The following RNF150 variants were observed in gnomAD, a reference collection of about 807,000 sequenced individuals.
RNF150 encodes ring finger protein 150.
A neutral mutation model predicts 39.3 loss-of-function variants in RNF150; 24 were observed. That is an observed-to-expected ratio of 0.61 (90% CI 0.44 to 0.86). The LOEUF is 0.86. RNF150 is among the 40% of genes least tolerant of loss of function. RNF150 has a pLI of 0.00. For synonymous variants in RNF150, 255 were observed against 227.3 expected (o/e 1.12, Z -1.10); for missense variants, 502 against 587.8 (o/e 0.85, Z 1.51).
intron 1 of RNF150, among the ~76,000 whole-genome samples, chr4:141,033,918 C>T (rs1231204816): frequency 6.6e-6 from 1 of 152,124 alleles, no homozygotes; most frequent in East Asian, 1.9e-4. Context: ...AGAAATGTAA[C>T]ATAATTCGTA....
chr4:141,138,301 G>C (rs1040321435), upstream of RNF150, among the ~76,000 whole-genome samples: 1 of 151,924 alleles, frequency 6.6e-6, no homozygotes, highest in East Asian at 1.9e-4. Flanking sequence ...TTGATTGGTG[G>C]ATTGCATTTT....
intron 1 of RNF150, among the ~76,000 whole-genome samples, chr4:141,202,940 C>T (rs1432889564): frequency 1.3e-5 from 2 of 151,480 alleles, no homozygotes; most frequent in East Asian, 3.9e-4. Flanking sequence ...ATTTGGCACA[C>T]ATTTCAAAAT....
intron 1 of RNF150, among the ~76,000 whole-genome samples, chr4:141,040,302 T>C (rs945797667): frequency 6.6e-6 from 1 of 152,080 alleles, no homozygotes. Flanking sequence ...TTTCTAACAC[T>C]GCAATCATGA....
intron 1 of RNF150, among the ~76,000 whole-genome samples, chr4:141,086,133 G>A (rs952286844): frequency 6.6e-6 from 1 of 151,852 alleles, no homozygotes; most frequent in Non-Finnish European, 1.5e-5. Context: ...AGGGGTGGGA[G>A]AAGAAACCTA....
At chr4:140,974,747 G>T (rs948894336) in intron 1 of RNF150, among the ~76,000 whole-genome samples, 2 of 152,132 alleles carry the variant, frequency 1.3e-5, no homozygotes, top group Non-Finnish European at 2.9e-5. Context: ...TTCATTCATT[G>T]TGAGTGACTT....
At chr4:140,901,023 C>T (rs901794587) in intron 6 of RNF150, among the ~76,000 whole-genome samples, 4 of 152,266 alleles carry the variant, frequency 2.6e-5, no homozygotes, top group East Asian at 1.9e-4. Context: ...CTCAAACCTA[C>T]ATTATCTCAC....
rs1726903162 is a variant in RNF150 at position 141,132,046 on chromosome 4, G to C, written c.484+279C>G. On this transcript the variant is annotated intron_variant, in intron 1 of 6. Coordinates refer to ENST00000515673, the MANE Select transcript of RNF150 (RefSeq NM_020724.2). This position sits in a 1 kb window ranked among gnomAD's most constrained non-coding sequence, Gnocchi z 4.9. The stretch of plus-strand genomic sequence containing the variant: ...CCTACCCTCCAAACCCCACCTTCCA[G>C]GTCCCCCTCGGAAAAGTTAGCCCGC... 6.6e-6 allele frequency among the ~76,000 whole-genome samples: 1 copy of C among 152,078 alleles called. No individual in the cohort carries two copies. Among genetic ancestry groups the C allele is most frequent in the Admixed American group, 6.5e-5 (1 of 15,272 alleles).
chr4:140,962,600 T>G (rs1733085846), intron 2 of RNF150, among the ~76,000 whole-genome samples: 1 of 151,942 alleles, frequency 6.6e-6, no homozygotes, highest in African/African-American at 2.4e-5. Flanking sequence ...ATTCTATCCA[T>G]TTAAATTCCA....
rs1400120999 is a variant in RNF150, at chr4:140,868,198, T to C, written c.*63A>G. 9 of 956,918 alleles carry C rather than the reference T, an allele frequency of 9.4e-6. No homozygotes were observed. In the East Asian group the frequency reaches 2.2e-4, roughly 23 times the overall value. 59.3% of individuals were successfully genotyped at this position (956,918 alleles called of 1,614,324 possible). A position where few individuals can be genotyped will look rare whatever the true frequency, so the allele number is the denominator to read the frequency against. On this transcript the variant is annotated 3_prime_UTR_variant, in exon 7 of 7. Coordinates refer to ENST00000515673, the MANE Select transcript of RNF150 (RefSeq NM_020724.2). Reference sequence around the variant, plus strand: ...GTGTGTGTGTGCCTGGTCCAAGTCTTGGAGCACTCTTCCCTTCCTTTCCCT... The same window carrying C: ...GTGTGTGTGTGCCTGGTCCAAGTCTCGGAGCACTCTTCCCTTCCTTTCCCT...
chr4:141,142,418 C>A (rs964557767), intron 1 of RNF150, among the ~76,000 whole-genome samples: 1 of 152,216 alleles, frequency 6.6e-6, no homozygotes. Flanking sequence ...CTGGAATAGT[C>A]CTGTCGGCAC....
At chr4:141,183,118 T>C (rs143660842) in intron 1 of RNF150, among the ~76,000 whole-genome samples, 45 of 152,280 alleles carry the variant, frequency 3.0e-4, no homozygotes, top group African/African-American at 9.6e-4. Context: ...TTTCCACATA[T>C]AATTTTCTTG....
chr4:141,180,534 C>G lies in RNF150; in HGVS notation c.-6+32260G>C, dbSNP rs140778681. 6.7e-3 allele frequency among the ~76,000 whole-genome samples: 1,019 copies of G among 152,184 alleles called. 7 individuals carry two copies. Among genetic ancestry groups the G allele is most frequent in the Middle Eastern group, 0.014 (4 of 294 alleles). On this transcript the variant is annotated intron_variant, in intron 1 of 7. Coordinates refer to the RNF150 transcript ENST00000420921. Reference sequence around the variant, plus strand: ...GGTACAAAATGGTCTGCAATCGATTCTGATCTGGAACTCTGCTTAGTCTTT... The same window carrying G: ...GGTACAAAATGGTCTGCAATCGATTGTGATCTGGAACTCTGCTTAGTCTTT...
At chr4:140,880,546 T>A (rs1729333578) in intron 6 of RNF150, among the ~76,000 whole-genome samples, 1 of 151,404 alleles carries the variant, frequency 6.6e-6, no homozygotes, top group African/African-American at 2.4e-5. Flanking sequence ...TCCTCTCCAG[T>A]CTTTTTTTTT....
chr4:140,974,369 T>C (rs1240762286), intron 1 of RNF150, among the ~76,000 whole-genome samples: 4 of 152,234 alleles, frequency 2.6e-5, no homozygotes, highest in Non-Finnish European at 5.9e-5. Context: ...TATAATTCCA[T>C]GGTAGAGAAT....
Position 140,864,081 on chromosome 4 carries a change from T to C in RNF150, c.*4180A>G, listed in dbSNP as rs1183338535. ...CCCAGATCTATGAATTTCCAGGATA[T>C]TTCACCAGGATGAAGGAAATGTTAA... On this transcript the variant is annotated 3_prime_UTR_variant, in exon 7 of 7. Coordinates refer to ENST00000515673, the MANE Select transcript of RNF150 (RefSeq NM_020724.2). The C allele has an allele frequency of 6.6e-6, 1 of 152,184 alleles. No homozygotes were observed. The highest frequency in any genetic ancestry group is 1.9e-4 in the East Asian group (1 of 5,202). The allele number at this position is 152,184 out of a possible 1,614,324, so 9.4% of individuals were successfully genotyped here. A position where few individuals can be genotyped will look rare whatever the true frequency, so the allele number is the denominator to read the frequency against.
At chr4:141,134,507 T>C (rs1379723876), upstream of RNF150, among the ~76,000 whole-genome samples, 1 of 152,206 alleles carries the variant, frequency 6.6e-6, no homozygotes, top group Non-Finnish European at 1.5e-5. Flanking sequence ...GACTTTAGCA[T>C]GTTTACAGCT....
chr4:141,127,567 C>T (rs1230339057), intron 1 of RNF150, among the ~76,000 whole-genome samples: 1 of 152,154 alleles, frequency 6.6e-6, no homozygotes, highest in African/African-American at 2.4e-5. Flanking sequence ...GAGCACCCAC[C>T]TATGGAGGAA....
rs557486407 is a variant in RNF150 at position 141,048,797 on chromosome 4, A to T, written c.485-80924T>A. 2.6e-5 allele frequency among the ~76,000 whole-genome samples: 4 copies of T among 152,298 alleles called. No individual in the cohort carries two copies. The East Asian group carries it at 7.7e-4, about 29-fold the overall frequency. ...GAAAGAATTGGCTGTTGCAACTATT[A>T]ATACATGACAAGAAGAAGATATATT... On this transcript the variant is annotated intron_variant, in intron 1 of 6. Transcript: ENST00000515673.
chr4:141,033,923 T>C (rs910885252), intron 1 of RNF150, among the ~76,000 whole-genome samples: 2 of 152,160 alleles, frequency 1.3e-5, no homozygotes, highest in African/African-American at 4.8e-5. Flanking sequence ...TGTAACATAA[T>C]TCGTAAGGGG....
Sources: allele counts gnomAD v4.1 joint callset (sites outside exome capture counted in the v4.1 genomes callset), GRCh38; gene constraint gnomAD v4.1.1; non-coding constraint Gnocchi (gnomAD v3.1); transcripts MANE v1.5; gene names NCBI Gene and HGNC (gene_info 2026-07-23, HGNC 2026-07-21).